The following ANXA9 variants were observed in gnomAD, a reference collection of about 807,000 sequenced individuals.
ANXA9 encodes the protein annexin A9, also known as annexin 31.
Under a neutral mutation model 51.8 loss-of-function variants are expected in ANXA9, and 47 were observed. The ratio of observed to expected loss-of-function variants is 0.91; its 90% CI spans 0.72 to 1.16. ANXA9 has a LOEUF of 1.16. Among genes scored for constraint, ANXA9 ranks in the 50% most tolerant of loss-of-function variants. The probability of loss-of-function intolerance (pLI) is 0.00; values close to 1 mark genes in which losing one functional copy is unlikely to be tolerated. For missense variants in ANXA9, 361 were observed against 424.7 expected (o/e 0.85, Z 1.32); for synonymous variants, 154 against 168.7 (o/e 0.91, Z 0.68).
chr1:150,984,498 T>G (rs2102789963), intron 6 of ANXA9, 88 bp from the exon 7 acceptor site: 1 of 1,534,286 alleles, frequency 6.5e-7, no homozygotes, highest in Non-Finnish European at 9.0e-7. Flanking sequence ...ATATTGTTTC[T>G]TAGAAGGAGA....
chr1:150,994,427 AC>A, intron 12 of ANXA9, 149 bp from the exon 13 acceptor site: 1 of 1,253,876 alleles, frequency 8.0e-7, no homozygotes, highest in East Asian at 2.5e-5. Flanking sequence ...GACAAACATA[AC>A]TTTTGTCCCG....
chr1:150,988,435 C>A (rs1294993699), intron 12 of ANXA9, 94 bp downstream of exon 12: 3 of 1,442,082 alleles, frequency 2.1e-6, no homozygotes, highest in Non-Finnish European at 2.9e-6. Context: ...CTATATACAC[C>A]GTCTAAACCT....
At chr1:150,994,503 C>T in intron 12 of ANXA9, 74 bp from the exon 13 acceptor site, 19 of 1,587,454 alleles carry the variant, frequency 1.2e-5, no homozygotes, top group South Asian at 2.3e-5. Context: ...CTACAATAAC[C>T]CTCCAAGCCA....
chr1:150,993,340 T>G (rs1671749946), intron 12 of ANXA9, among the ~76,000 whole-genome samples: 1 of 152,110 alleles, frequency 6.6e-6, no homozygotes, highest in Non-Finnish European at 1.5e-5. Flanking sequence ...AGACGGAGTC[T>G]TGCTCTGTCC....
chr1:150,983,160 C>T lies in ANXA9; in HGVS notation c.55C>T (p.His19Tyr), dbSNP rs1219158272. 6 of 1,614,110 alleles carry T rather than the reference C, an allele frequency of 3.7e-6. No homozygotes were observed. Among genetic ancestry groups the T allele is most frequent in the Non-Finnish European group, 5.1e-6 (6 of 1,179,998 alleles). Residue 19 changes from histidine to tyrosine, a missense_variant, in exon 3 of 14, where the codon CAC (histidine) becomes TAC (tyrosine). His to Tyr is a moderately conservative substitution (Grantham distance 83). Coordinates refer to ENST00000368947, the MANE Select transcript of ANXA9 (RefSeq NM_003568.3). The part of the protein sequence containing the change: ...APSLTQEILS[H>Y]LGLASKTAAW... ...GTCCCTCACCCAGGAGATCCTCAGC[C>T]ACCTGGGCCTGGCCAGCAAGGTAGG...
At chr1:150,993,687 T>C (rs1671763649) in intron 12 of ANXA9, among the ~76,000 whole-genome samples, 1 of 143,400 alleles carries the variant, frequency 7.0e-6, no homozygotes. Flanking sequence ...CAGGTTGGAG[T>C]GCAGTGGCGC....
At chr1:150,993,334 G>T (rs754094218) in intron 12 of ANXA9, among the ~76,000 whole-genome samples, 1 of 150,504 alleles carries the variant, frequency 6.6e-6, no homozygotes, top group South Asian at 2.1e-4. Flanking sequence ...TTTTTGAGAC[G>T]GAGTCTTGCT....
upstream of ANXA9, among the ~76,000 whole-genome samples, chr1:150,978,130 A>C (rs1367222709): frequency 6.6e-6 from 1 of 150,512 alleles, no homozygotes; most frequent in Non-Finnish European, 1.5e-5. Context: ...GTGAGACTCC[A>C]TCTCAAAAAT....
At chr1:150,994,509 A>G (rs926724623) in intron 12 of ANXA9, 68 bp from the exon 13 acceptor site, 2 of 1,595,424 alleles carry the variant, frequency 1.3e-6, no homozygotes, top group African/African-American at 1.3e-5. Context: ...TAACCCTCCA[A>G]GCCATTCAAC....
In ANXA9 at chr1:150,988,086, A is replaced by G; in HGVS notation, c.698-5A>G. ...ATCTTTCTAACTGCCTCCTACACAC[A>G]CAAGTGTTTGATCAGTACCAGCGGA... On this transcript the variant is annotated splice_region_variant and splice_polypyrimidine_tract_variant and intron_variant, in intron 10 of 13. Coordinates refer to ENST00000368947, the MANE Select transcript of ANXA9 (RefSeq NM_003568.3). 1.2e-6 allele frequency: 2 copies of G among 1,614,048 alleles called. No homozygotes were observed. The highest frequency in any genetic ancestry group is 1.1e-5 in the South Asian group (1 of 91,086).
intron 12 of ANXA9, among the ~76,000 whole-genome samples, chr1:150,993,737 C>T (rs1289144493): frequency 6.7e-6 from 1 of 149,976 alleles, no homozygotes; most frequent in Non-Finnish European, 1.5e-5. Context: ...TGGGTTCAAG[C>T]AATTCTCCTG....
At chr1:150,986,760 G>T in intron 9 of ANXA9, 99 bp downstream of exon 9, 1 of 1,230,118 alleles carries the variant, frequency 8.1e-7, no homozygotes, top group Non-Finnish European at 1.1e-6. Flanking sequence ...CATTTTTCCC[G>T]CAAACCCATC....
At chr1:150,984,739 C>G in intron 7 of ANXA9, 63 bp downstream of exon 7, 1 of 1,392,514 alleles carries the variant, frequency 7.2e-7, no homozygotes, top group Non-Finnish European at 1.0e-6. Context: ...GGCCACTCCT[C>G]TCCTGTACTC....
Position 150,986,643 on chromosome 1 carries a change from G to A in ANXA9, c.594G>A (p.Leu198=). The part of the protein sequence containing the change: ...DSYSGIIDYN[L]AEQDVQALQR... ...ACTCTGGAATCATTGACTATAATCT[G>A]GCAGAACAAGATGTCCAGGTGAGCA... Residue 198 remains leucine (L), a synonymous_variant, in exon 9 of 14, where the codon CTG becomes CTA. Transcript: ENST00000368947. 2 of 1,598,416 alleles carry A rather than the reference G, an allele frequency of 1.3e-6. No individual in the cohort carries two copies. The highest frequency in any genetic ancestry group is 8.5e-7 in the Non-Finnish European group (1 of 1,175,816).
At position 150,984,577 on chromosome 1, in the gene ANXA9, T is replaced by A; in HGVS notation, c.382-9T>A. The A allele has an allele frequency of 6.2e-7, 1 of 1,613,670 alleles. No homozygotes were observed. Among genetic ancestry groups the A allele is most frequent in the East Asian group, 2.2e-5 (1 of 44,862 alleles). ...GCCAGTCTGAGAGTAGACTCCCAAT[T>A]TCTTGTAGGCCTCAGATTCTGCTGT... On this transcript the variant is annotated splice_polypyrimidine_tract_variant and intron_variant, in intron 6 of 13. Transcript: ENST00000368947.
chr1:150,986,590 T>C lies in ANXA9; in HGVS notation c.553-12T>C, dbSNP rs375327060. ...CTTCAAAGAGCCCTCTAAGAACAGT[T>C]TCTCCTCCTAGGGGGGCCGTGACAG... On this transcript the variant is annotated splice_polypyrimidine_tract_variant and intron_variant, in intron 8 of 13. Transcript: ENST00000368947. The C allele has an allele frequency of 1.7e-5, 28 of 1,610,518 alleles. No individual in the cohort carries two copies. In the African/African-American group the frequency reaches 3.5e-4, roughly 20 times the overall value.
intron 4 of ANXA9, among the ~76,000 whole-genome samples, chr1:150,983,677 C>A (rs1571686849): frequency 6.6e-6 from 1 of 152,248 alleles, no homozygotes; most frequent in East Asian, 1.9e-4. Flanking sequence ...GAGGCTTGCC[C>A]AAGGTCACTC....
intron 13 of ANXA9, 142 bp from the exon 14 acceptor site, chr1:150,995,118 T>TAA: frequency 1.2e-6 from 1 of 830,118 alleles, no homozygotes; most frequent in Non-Finnish European, 1.9e-6. Context: ...GAGTCTTTGG[T>TAA]TAATGTAGTG....
upstream of ANXA9, among the ~76,000 whole-genome samples, chr1:150,980,522 C>A (rs1040788614): frequency 1.3e-5 from 2 of 151,840 alleles, no homozygotes; most frequent in African/African-American, 4.8e-5. Flanking sequence ...TAATCTAATA[C>A]CCCTACTTTA....
Sources: allele counts gnomAD v4.1 joint callset (sites outside exome capture counted in the v4.1 genomes callset), GRCh38; gene constraint gnomAD v4.1.1; transcripts MANE v1.5; gene names NCBI Gene and HGNC (gene_info 2026-07-23, HGNC 2026-07-21).